Variants in RBMS3 observed in about 807,000 individuals in gnomAD.
RBMS3 encodes the protein RNA binding motif single stranded interacting protein 3, also known as RNA-binding motif, single-stranded-interacting protein 3.
In RBMS3, 27 loss-of-function variants were observed where a neutral mutation model predicts 66.8. The observed-to-expected ratio is 0.40, with a 90% CI of 0.30 to 0.56. The LOEUF (loss-of-function observed/expected upper bound fraction) is 0.56. Among genes scored for constraint, RBMS3 ranks in the 20% least tolerant of loss-of-function variants. RBMS3 has a pLI of 0.40. For synonymous variants in RBMS3, 188 were observed against 183.0 expected (o/e 1.03, Z -0.22); for missense variants, 513 against 549.5 (o/e 0.93, Z 0.66).
intron 4 of RBMS3, among the ~76,000 whole-genome samples, chr3:29,689,534 G>A (rs993539328): frequency 2.0e-5 from 3 of 152,050 alleles, no homozygotes; most frequent in African/African-American, 7.2e-5. Flanking sequence ...GAGTTTTACA[G>A]TATTTTATTA....
intron 1 of RBMS3, among the ~76,000 whole-genome samples, chr3:29,365,531 A>G (rs1329943462): frequency 1.3e-5 from 2 of 152,124 alleles, no homozygotes; most frequent in African/African-American, 4.8e-5. Context: ...AAAAAATATT[A>G]TTTCAAACTA....
chr3:29,534,135 C>T (rs1327034423), intron 3 of RBMS3, among the ~76,000 whole-genome samples: 1 of 152,196 alleles, frequency 6.6e-6, no homozygotes, highest in African/African-American at 2.4e-5. Context: ...ATAATAGCAC[C>T]TGCCACCTGT....
chr3:29,349,828 G>T (rs1395145462), intron 1 of RBMS3, among the ~76,000 whole-genome samples: 1 of 152,074 alleles, frequency 6.6e-6, no homozygotes, highest in East Asian at 1.9e-4. Context: ...GTTTCTCTTT[G>T]TGAATCCATC....
intron 2 of RBMS3, among the ~76,000 whole-genome samples, chr3:29,455,218 C>A (rs745348519): frequency 8.5e-5 from 13 of 152,116 alleles, no homozygotes; most frequent in Non-Finnish European, 1.5e-5. Flanking sequence ...ACCCTGTGTT[C>A]TAGTTCTTTA....
At chr3:29,835,298 T>C (rs2149493429) in intron 6 of RBMS3, among the ~76,000 whole-genome samples, 1 of 152,038 alleles carries the variant, frequency 6.6e-6, no homozygotes, top group South Asian at 2.1e-4. Context: ...CTAGCAGACA[T>C]ACAAAAGACT....
At chr3:29,721,733 T>C (rs991041971) in intron 4 of RBMS3, among the ~76,000 whole-genome samples, 1 of 152,164 alleles carries the variant, frequency 6.6e-6, no homozygotes, top group Non-Finnish European at 1.5e-5. Flanking sequence ...GGCAACATTA[T>C]GAGAAGAAAA....
In RBMS3 at chr3:29,698,944, A is replaced by G. The variant is rs9870016; in HGVS notation, c.400-40776A>G. Among the ~76,000 whole-genome samples the G allele has an allele frequency of 3.3e-3, 506 of 152,264 alleles. 3 individuals are homozygous for G. The highest frequency in any genetic ancestry group is 0.012 in the African/African-American group (482 of 41,554). On this transcript the variant is annotated intron_variant, in intron 4 of 14. Coordinates refer to ENST00000383767, the MANE Select transcript of RBMS3 (RefSeq NM_001003793.3). ...CCCAGCTTTCTTCACATAACAACAT[A>G]TCTTGGTGCTCCTTTATAATAACAA...
At chr3:29,765,588 T>G (rs1029272076) in intron 6 of RBMS3, 2 of 151,996 alleles carry the variant, frequency 1.3e-5, no homozygotes, top group African/African-American at 4.8e-5. Flanking sequence ...TTTATAGAAC[T>G]GCACATTGAT....
intron 3 of RBMS3, among the ~76,000 whole-genome samples, chr3:29,549,898 C>G (rs1391672434): frequency 6.6e-6 from 1 of 152,032 alleles, no homozygotes; most frequent in Non-Finnish European, 1.5e-5. Flanking sequence ...ATATTATATA[C>G]TACTCTCTTG....
intron 1 of RBMS3, among the ~76,000 whole-genome samples, chr3:29,294,777 A>G (rs1034355546): frequency 3.3e-5 from 5 of 151,752 alleles, no homozygotes; most frequent in African/African-American, 7.3e-5. Context: ...CTTTTTGTCA[A>G]TTTTGTTTAT....
intron 1 of RBMS3, among the ~76,000 whole-genome samples, chr3:29,424,348 C>T (rs537372872): frequency 5.9e-5 from 9 of 152,204 alleles, no homozygotes; most frequent in South Asian, 2.1e-4. Context: ...CAAATTTTCC[C>T]GGTTTGTAAG....
In RBMS3 at chr3:29,832,452, G is replaced by GC. The variant is rs1226273405; in HGVS notation, c.638-36406_638-36405insC. On this transcript the variant is annotated intron_variant, in intron 6 of 14. Coordinates refer to ENST00000383767, the MANE Select transcript of RBMS3 (RefSeq NM_001003793.3). ...CTGGGCATCTAGCAGAAAAGTCCCA[G>GC]TACACTGTTGGAGCAAAAGGTATCC... 4.6e-5 allele frequency among the ~76,000 whole-genome samples: 7 copies of GC among 152,178 alleles called. No individual in the cohort carries two copies. In the East Asian group the frequency reaches 1.4e-3, roughly 29 times the overall value.
chr3:29,287,385 CTTTAA>C (rs1575471027), intron 1 of RBMS3, among the ~76,000 whole-genome samples: 1 of 152,006 alleles, frequency 6.6e-6, no homozygotes, highest in Non-Finnish European at 1.5e-5. Context: ...TTTTTTACTA[CTTTAA>C]TTTATGGAAC....
chr3:29,341,875 T>C (rs1367810251), intron 1 of RBMS3, among the ~76,000 whole-genome samples: 1 of 152,198 alleles, frequency 6.6e-6, no homozygotes, highest in Non-Finnish European at 1.5e-5. Flanking sequence ...AATGTAGAAC[T>C]GAACTCTTCA....
intron 11 of RBMS3, among the ~76,000 whole-genome samples, chr3:29,937,400 G>C (rs541721552): frequency 1.3e-5 from 2 of 152,030 alleles, no homozygotes; most frequent in East Asian, 3.9e-4. Flanking sequence ...TATAGCAATG[G>C]CTTGCTTGCC....
At chr3:29,976,024 A>G (rs1697559308) in intron 12 of RBMS3, among the ~76,000 whole-genome samples, 1 of 151,974 alleles carries the variant, frequency 6.6e-6, no homozygotes. Context: ...AATTTGTAAT[A>G]TAGAAGTTTT....
chr3:29,986,752 G>A (rs1698417358), intron 12 of RBMS3, among the ~76,000 whole-genome samples: 1 of 152,248 alleles, frequency 6.6e-6, no homozygotes. Flanking sequence ...GGACCAGCTT[G>A]GCCAATATGG....
At chr3:29,826,554 T>G (rs571686259) in intron 6 of RBMS3, among the ~76,000 whole-genome samples, 1 of 152,256 alleles carries the variant, frequency 6.6e-6, no homozygotes, top group Admixed American at 6.5e-5. Context: ...CTGGGTGGCT[T>G]AAAACAACAT....
In RBMS3 at chr3:29,817,862, G is replaced by GT. The variant is rs1200219097; in HGVS notation, c.638-50995dup. Among the ~76,000 whole-genome samples the GT allele has an allele frequency of 3.9e-5, 6 of 152,126 alleles. 1 individual carries two copies. The highest frequency in any genetic ancestry group is 6.8e-3 in the Middle Eastern group (2 of 294). On this transcript the variant is annotated intron_variant, in intron 6 of 14. Transcript: ENST00000383767. ...ATTGTAGTTTCAACAGTCTACTTCA[G>GT]TAGCCCTTCTACAGTTAATCTATTA...
Sources: gnomAD v4.1 joint callset for allele counts (sites outside exome capture counted in the v4.1 genomes callset) on GRCh38, gnomAD v4.1.1 for gene constraint, MANE v1.5 for transcripts, NCBI Gene and HGNC (gene_info 2026-07-23, HGNC 2026-07-21) for gene names.